The following NEK1 variants were observed in gnomAD, a reference collection of about 807,000 sequenced individuals.
NEK1 encodes NIMA related kinase 1.
NEK1 carries 137 observed loss-of-function variants against 182.1 expected under a neutral mutation model. The ratio of observed to expected loss-of-function variants is 0.75; its 90% CI spans 0.65 to 0.87. NEK1 has a LOEUF of 0.87. Ranked by LOEUF, NEK1 falls within the 40% of genes least tolerant of loss-of-function variation. NEK1 has a pLI of 0.00. For synonymous variants in NEK1, 513 were observed against 492.2 expected, an observed-to-expected ratio of 1.04 and a Z score of -0.56; for missense variants, 1,391 against 1,494.4, an observed-to-expected ratio of 0.93 and a Z score of 1.14.
chr4:169,511,657 T>C (rs1293947513), intron 19 of NEK1, among the ~76,000 whole-genome samples: 12 of 151,986 alleles, frequency 7.9e-5, no homozygotes. Flanking sequence ...ATTATAGATA[T>C]AATCTTTTAT....
intron 5 of NEK1, among the ~76,000 whole-genome samples, chr4:169,593,805 G>A (rs1768956992): frequency 2.6e-5 from 4 of 152,116 alleles, no homozygotes; most frequent in South Asian, 4.2e-4. Flanking sequence ...TGGCTAACAC[G>A]GTGAAACCCC....
intron 5 of NEK1, among the ~76,000 whole-genome samples, chr4:169,596,930 G>A (rs1769599987): frequency 6.6e-6 from 1 of 151,992 alleles, no homozygotes; most frequent in Non-Finnish European, 1.5e-5. Context: ...TTCACTGATG[G>A]ATGAACTATA....
intron 19 of NEK1, among the ~76,000 whole-genome samples, chr4:169,527,394 A>C (rs1757044214): frequency 6.6e-6 from 1 of 152,208 alleles, no homozygotes; most frequent in Admixed American, 6.5e-5. Flanking sequence ...AAGTATTTGT[A>C]TAAATATAAC....
intron 12 of NEK1, among the ~76,000 whole-genome samples, chr4:169,564,758 C>A (rs1763420380): frequency 6.6e-6 from 1 of 151,858 alleles, no homozygotes; most frequent in Non-Finnish European, 1.5e-5. Flanking sequence ...AGTATGAGAC[C>A]AGGAAAATGC....
At chr4:169,522,383 T>C (rs1022922375) in intron 19 of NEK1, among the ~76,000 whole-genome samples, 1 of 152,248 alleles carries the variant, frequency 6.6e-6, no homozygotes, top group Non-Finnish European at 1.5e-5. Flanking sequence ...CAAATCAATG[T>C]CATTTCTCAC....
At chr4:169,461,875 CAT>C (rs1488321433) in intron 27 of NEK1, among the ~76,000 whole-genome samples, 1 of 152,156 alleles carries the variant, frequency 6.6e-6, no homozygotes, top group African/African-American at 2.4e-5. Flanking sequence ...TACCATCTAA[CAT>C]ATAATAGTGA....
At chr4:169,467,918 G>T (rs535190557) in intron 26 of NEK1, among the ~76,000 whole-genome samples, 15 of 151,858 alleles carry the variant, frequency 9.9e-5, no homozygotes, top group Non-Finnish European at 1.5e-4. Context: ...TATTTTAAAG[G>T]ATTAAAAATG....
chr4:169,546,492 T>C (rs1760479360), intron 18 of NEK1, among the ~76,000 whole-genome samples: 1 of 152,166 alleles, frequency 6.6e-6, no homozygotes, highest in Non-Finnish European at 1.5e-5. Flanking sequence ...TAGATGTCTA[T>C]TAGGTCCGCT....
intron 27 of NEK1, among the ~76,000 whole-genome samples, chr4:169,449,279 G>A (rs1359042351): frequency 6.6e-6 from 1 of 152,240 alleles, no homozygotes. Flanking sequence ...AAACGACCCT[G>A]TCTAACAGCT....
rs1738461595 is a variant in NEK1, at chr4:169,436,649, T to A, written c.2764+1434A>T. Reference sequence around the variant, plus strand: ...TAGAAGAGATACAGAGAGCCCAGGATGATTCCTTCTAGGCAACAAATGCTT... The same window carrying A: ...TAGAAGAGATACAGAGAGCCCAGGAAGATTCCTTCTAGGCAACAAATGCTT... On this transcript the variant is annotated intron_variant, in intron 28 of 35. Transcript: ENST00000507142. 1.3e-5 allele frequency among the ~76,000 whole-genome samples: 2 copies of A among 152,206 alleles called. 1 individual carries two copies. The highest frequency in any genetic ancestry group is 4.8e-5 in the African/African-American group (2 of 41,454).
At chr4:169,399,580 C>CA (rs34066126) in intron 35 of NEK1, among the ~76,000 whole-genome samples, 77,947 of 148,876 alleles carry the variant, frequency 0.52, 20,396 homozygotes, top group East Asian at 0.75. Context: ...TCAAAAAAAA[C>CA]AAAAAAAAAT....
chr4:169,560,990 A>C (rs1390502595), intron 16 of NEK1, among the ~76,000 whole-genome samples: 1 of 152,142 alleles, frequency 6.6e-6, no homozygotes, highest in Non-Finnish European at 1.5e-5. Flanking sequence ...AAGTGCAAAG[A>C]CAAAGAGATT....
At position 169,589,967 on chromosome 4, in the gene NEK1, A is replaced by G. The variant is rs192573147; in HGVS notation, c.397-453T>C. Reference sequence around the variant, plus strand: ...AACTTTTATCAAGAAAAGGGCTTGCATAACTCAACAATAACAACAAAAAAA... The same window carrying G: ...AACTTTTATCAAGAAAAGGGCTTGCGTAACTCAACAATAACAACAAAAAAA... On this transcript the variant is annotated intron_variant, in intron 6 of 35. Coordinates refer to ENST00000507142, the MANE Select transcript of NEK1 (RefSeq NM_001199397.3). Among the ~76,000 whole-genome samples, 81 of 152,322 alleles carry G rather than the reference A, an allele frequency of 5.3e-4. 1 individual carries two copies. The highest frequency in any genetic ancestry group is 2.6e-3 in the Admixed American group (40 of 15,298).
At position 169,546,229 on chromosome 4, in the gene NEK1, ATTTC is replaced by A. The variant is rs1191179691; in HGVS notation, c.1563-8322_1563-8319del. 8.2e-3 allele frequency among the ~76,000 whole-genome samples: 1,254 copies of A among 152,152 alleles called. 13 individuals carry two copies. Among genetic ancestry groups the A allele is most frequent in the African/African-American group, 0.028 (1,181 of 41,504 alleles). The stretch of plus-strand genomic sequence containing the variant: ...AAAGAATTTATTTATTTCTGCCTTA[ATTTC>A]TTTATTTACCCAGTAGTCATTCAGG... On this transcript the variant is annotated intron_variant, in intron 18 of 35. Coordinates refer to ENST00000507142, the MANE Select transcript of NEK1 (RefSeq NM_001199397.3).
intron 16 of NEK1, among the ~76,000 whole-genome samples, chr4:169,556,497 AT>A (rs1341994463): frequency 6.6e-6 from 1 of 152,166 alleles, no homozygotes; most frequent in Non-Finnish European, 1.5e-5. Flanking sequence ...TAACAAAAAC[AT>A]CTGCATATGG....
At chr4:169,566,952 G>A (rs1763784708) in intron 12 of NEK1, among the ~76,000 whole-genome samples, 1 of 152,008 alleles carries the variant, frequency 6.6e-6, no homozygotes, top group South Asian at 2.1e-4. Context: ...AAAAATAGCT[G>A]GGTGTGGTAG....
intron 27 of NEK1, among the ~76,000 whole-genome samples, chr4:169,453,651 A>G (rs568760848): frequency 2.0e-5 from 3 of 152,372 alleles, no homozygotes; most frequent in African/African-American, 7.2e-5. Flanking sequence ...CTTTAAGGAC[A>G]TGCTCCTGCT....
intron 23 of NEK1, among the ~76,000 whole-genome samples, chr4:169,482,757 C>T (rs1748302403): frequency 6.6e-6 from 1 of 152,074 alleles, no homozygotes; most frequent in African/African-American, 2.4e-5. Flanking sequence ...CTGCCTCAGC[C>T]TCCTGAGTAG....
At chr4:169,469,468 A>G (rs1452740427) in intron 26 of NEK1, among the ~76,000 whole-genome samples, 2 of 152,156 alleles carry the variant, frequency 1.3e-5, no homozygotes, top group Admixed American at 6.5e-5. Flanking sequence ...ATTTGATTGC[A>G]CTGTGGTCTG....
Sources: gnomAD v4.1 joint callset for allele counts (sites outside exome capture counted in the v4.1 genomes callset) on GRCh38, gnomAD v4.1.1 for gene constraint, MANE v1.5 for transcripts, NCBI Gene and HGNC (gene_info 2026-07-23, HGNC 2026-07-21) for gene names.